The following SLC6A5 variants were observed in gnomAD, a reference collection of about 807,000 sequenced individuals.
The protein encoded by SLC6A5 is solute carrier family 6 member 5, also known as sodium- and chloride-dependent glycine transporter 2.
In SLC6A5, 58 loss-of-function variants were observed where a neutral mutation model predicts 90.5. The observed-to-expected ratio is 0.64, with a 90% CI of 0.52 to 0.80. The LOEUF (loss-of-function observed/expected upper bound fraction) is 0.80, where lower values mean the gene tolerates loss of function less well. SLC6A5 is among the 30% of genes least tolerant of loss of function. The pLI is 0.00. For synonymous variants in SLC6A5, 427 were observed against 401.4 expected (o/e 1.06, Z -0.76); for missense variants, 1,015 against 1,017.6 (o/e 1.00, Z 0.03).
At position 20,622,836 on chromosome 11, in the gene SLC6A5, G is replaced by A. The variant is rs181493433; in HGVS notation, c.1261-3872G>A. On this transcript the variant is annotated intron_variant, in intron 7 of 15. Coordinates refer to ENST00000525748, the MANE Select transcript of SLC6A5 (RefSeq NM_004211.5). ...CCCCAGGTGGTCAGAGGATGGAAAG[G>A]ATACTCCTTAGTTGTCTCCCATCCC... 1.6e-3 allele frequency among the ~76,000 whole-genome samples: 247 copies of A among 152,250 alleles called. 3 individuals are homozygous for A. Among genetic ancestry groups the A allele is most frequent in the South Asian group, 0.013 (62 of 4,812 alleles).
intron 9 of SLC6A5, 72 bp downstream of exon 9, chr11:20,628,155 A>G (rs927421979): frequency 8.4e-7 from 1 of 1,187,462 alleles, no homozygotes; most frequent in Non-Finnish European, 1.3e-6. Flanking sequence ...GTTATCAGAC[A>G]CCTGAGGCCA....
chr11:20,617,708 T>C, intron 6 of SLC6A5, 44 bp from the exon 7 acceptor site: 1 of 1,585,810 alleles, frequency 6.3e-7, no homozygotes, highest in Non-Finnish European at 8.7e-7. Context: ...CCTCCCTCTC[T>C]CCTTCTTTCT....
intron 7 of SLC6A5, among the ~76,000 whole-genome samples, chr11:20,619,865 A>G (rs1852857064): frequency 2.0e-5 from 3 of 152,084 alleles, no homozygotes; most frequent in Admixed American, 1.3e-4. Context: ...CCCCTGAGGA[A>G]CCTGCTGGCT....
intron 15 of SLC6A5, among the ~76,000 whole-genome samples, chr11:20,654,453 C>T (rs767525939): frequency 1.3e-5 from 2 of 152,170 alleles, no homozygotes; most frequent in Non-Finnish European, 2.9e-5. Context: ...GCAAGGCAAA[C>T]ACAGAGCAAT....
intron 1 of SLC6A5, among the ~76,000 whole-genome samples, chr11:20,600,477 C>T (rs975797315): frequency 1.3e-5 from 2 of 151,990 alleles, no homozygotes; most frequent in African/African-American, 2.4e-5. Context: ...GAAGTGAATA[C>T]GAGTTGTGTA....
At chr11:20,650,468 A>C (rs751438748) in intron 14 of SLC6A5, among the ~76,000 whole-genome samples, 12 of 151,656 alleles carry the variant, frequency 7.9e-5, no homozygotes, top group Middle Eastern at 6.8e-3. Context: ...TCAAGGGGGG[A>C]CTCATGAGTA....
intron 6 of SLC6A5, 110 bp downstream of exon 6, chr11:20,614,930 G>A: frequency 9.1e-7 from 1 of 1,096,860 alleles, no homozygotes; most frequent in East Asian, 2.4e-5. Context: ...TGAGATCAGA[G>A]AGGAAGGTTT....
chr11:20,631,686 C>T (rs948259213), intron 10 of SLC6A5, among the ~76,000 whole-genome samples: 4 of 152,096 alleles, frequency 2.6e-5, no homozygotes, highest in Admixed American at 1.3e-4. Context: ...TTATGGGATG[C>T]GTAGTGTGTT....
In SLC6A5 at chr11:20,601,535, G is replaced by T; in HGVS notation, c.410G>T (p.Gly137Val). Residue 137 changes from glycine (G) to valine (V), a missense_variant, in exon 2 of 16, where the codon GGC becomes GTC. By Grantham distance (109) the Gly-to-Val change is moderately radical. This residue lies in a region of SLC6A5 where 567 missense variants were observed against 507.3 expected (regional missense o/e 1.12). Transcript: ENST00000525748. ...GAGGGGGATGCGAACGTGAGTGTGG[G>T]CAAGGGCACCCTGGAGCGGAACAAT... is the stretch of plus-strand genomic sequence containing the variant. The part of the protein sequence containing the change: ...GPEGDANVSV[G>V]KGTLERNNTP... The T allele has an allele frequency of 6.2e-7, 1 of 1,614,142 alleles. No individual in the cohort carries two copies. Among genetic ancestry groups the T allele is most frequent in the Non-Finnish European group, 8.5e-7 (1 of 1,179,994 alleles).
chr11:20,638,368 T>C lies in SLC6A5; in HGVS notation c.1870-91T>C, dbSNP rs573587740. On this transcript the variant is annotated intron_variant, in intron 12 of 15. Coordinates refer to ENST00000525748, the MANE Select transcript of SLC6A5 (RefSeq NM_004211.5). ...GGACTCCTGTTTGCACCTGACTCTTTTTAGGATTGAGAGAACTGGCTGTTA... is the reference window on the plus strand; with the variant it reads ...GGACTCCTGTTTGCACCTGACTCTTCTTAGGATTGAGAGAACTGGCTGTTA... 2.7e-4 allele frequency: 225 copies of C among 821,620 alleles called. No homozygotes were observed. The African/African-American group carries it at 3.2e-3, about 12-fold the overall frequency. 50.9% of individuals were successfully genotyped at this position (821,620 alleles called of 1,614,324 possible). A position where few individuals can be genotyped will look rare whatever the true frequency, so the allele number is the denominator to read the frequency against.
chr11:20,629,854 G>A (rs966446018), intron 9 of SLC6A5, among the ~76,000 whole-genome samples: 2 of 151,690 alleles, frequency 1.3e-5, no homozygotes, highest in Non-Finnish European at 2.9e-5. Context: ...CTGGGATTGC[G>A]GGCATGTGCC....
At chr11:20,600,804 G>A (rs2241940) in intron 1 of SLC6A5, among the ~76,000 whole-genome samples, 60,866 of 152,052 alleles carry the variant, frequency 0.4, 12,924 homozygotes, top group African/African-American at 0.53. Context: ...CTGTGATGTG[G>A]AATCCAAAGA....
chr11:20,608,317 C>T (rs1852622576), intron 5 of SLC6A5, among the ~76,000 whole-genome samples: 1 of 152,112 alleles, frequency 6.6e-6, no homozygotes, highest in Non-Finnish European at 1.5e-5. Context: ...GGACTTGAGG[C>T]CTTGGCAGAA....
At chr11:20,619,266 G>A (rs931755287) in intron 7 of SLC6A5, among the ~76,000 whole-genome samples, 5 of 152,198 alleles carry the variant, frequency 3.3e-5, no homozygotes, top group Non-Finnish European at 7.3e-5. Context: ...GGCATGCTTT[G>A]CATCCCCCAT....
chr11:20,624,138 TTA>T (rs1375524439), intron 7 of SLC6A5, among the ~76,000 whole-genome samples: 1 of 149,126 alleles, frequency 6.7e-6, no homozygotes. Flanking sequence ...CCCAAGGGTT[TTA>T]TATATATATA....
chr11:20,621,817 C>T (rs1852895152), intron 7 of SLC6A5, among the ~76,000 whole-genome samples: 1 of 152,244 alleles, frequency 6.6e-6, no homozygotes, highest in African/African-American at 2.4e-5. Flanking sequence ...CAGGTTGCTT[C>T]CTCTGAGACA....
chr11:20,608,950 CTCTCTCTCTGTG>C (rs1439701607), intron 5 of SLC6A5, among the ~76,000 whole-genome samples: 1 of 81,066 alleles, frequency 1.2e-5, no homozygotes, highest in Non-Finnish European at 2.6e-5. Context: ...CTCTCTCTCT[CTCTCTCTCTGTG>C]TGTGTGTGTG....
At chr11:20,617,037 C>T (rs1323416938) in intron 6 of SLC6A5, among the ~76,000 whole-genome samples, 1 of 152,250 alleles carries the variant, frequency 6.6e-6, no homozygotes, top group African/African-American at 2.4e-5. Context: ...CTGAAGCTGC[C>T]TCCTTTCCTC....
At chr11:20,635,466 C>G (rs1045678980) in intron 10 of SLC6A5, among the ~76,000 whole-genome samples, 6 of 152,130 alleles carry the variant, frequency 3.9e-5, no homozygotes, top group African/African-American at 1.2e-4. Context: ...AGTGCAAGAT[C>G]CTGAAAGTGT....
Sources: gnomAD v4.1 joint callset for allele counts (sites outside exome capture counted in the v4.1 genomes callset) on GRCh38, gnomAD v4.1.1 for gene constraint, gnomAD v4.1.1 regional missense constraint, MANE v1.5 for transcripts, NCBI Gene and HGNC (gene_info 2026-07-23, HGNC 2026-07-21) for gene names.